The following EEF2K variants were observed in gnomAD, a reference collection of about 807,000 sequenced individuals.
EEF2K encodes the protein eukaryotic elongation factor 2 kinase.
EEF2K carries 70 observed loss-of-function variants against 93.8 expected under a neutral mutation model. The ratio of observed to expected loss-of-function variants is 0.75; its 90% CI spans 0.62 to 0.91. EEF2K has a LOEUF of 0.91. Ranked by LOEUF, EEF2K falls within the 40% of genes least tolerant of loss-of-function variation. The pLI, the probability that EEF2K is intolerant of heterozygous loss-of-function variation, is 0.00. For missense variants in EEF2K, 935 were observed against 972.9 expected (o/e 0.96, Z 0.52); for synonymous variants, 376 against 380.8 (o/e 0.99, Z 0.15).
intron 3 of EEF2K, among the ~76,000 whole-genome samples, chr16:22,244,989 A>C (rs952602179): frequency 2.6e-5 from 4 of 152,080 alleles, no homozygotes; most frequent in Non-Finnish European, 5.9e-5. Flanking sequence ...TGGCCGGGTG[A>C]GGTGGCTCTC....
At chr16:22,211,079 C>T (rs761394806) in intron 1 of EEF2K, among the ~76,000 whole-genome samples, 1 of 152,178 alleles carries the variant, frequency 6.6e-6, no homozygotes, top group Non-Finnish European at 1.5e-5. Context: ...GGGAAATGTC[C>T]GTGGCCAGGC....
Position 22,266,533 on chromosome 16 carries a change from G to A in EEF2K, c.1575+9G>A, listed in dbSNP as rs781065253. On this transcript the variant is annotated intron_variant, in intron 14 of 17. Transcript: ENST00000263026. ...AGTCCATTTTGGGGAAGGTATCGGC[G>A]ATGCCCATTTTGGAGCCCTGTCTGC... 1.1e-5 allele frequency: 18 copies of A among 1,613,784 alleles called. No homozygotes were observed. The highest frequency in any genetic ancestry group is 5.3e-5 in the African/African-American group (4 of 74,932).
chr16:22,281,068 G>A (rs993813161), intron 17 of EEF2K, among the ~76,000 whole-genome samples: 1 of 151,890 alleles, frequency 6.6e-6, no homozygotes, highest in African/African-American at 2.4e-5. Flanking sequence ...CTGCATAGCT[G>A]GGACTACAGG....
chr16:22,244,269 T>TTG (rs200282636), intron 2 of EEF2K, among the ~76,000 whole-genome samples: 22,287 of 139,970 alleles, frequency 0.16, 1,670 homozygotes, highest in South Asian at 0.27. Context: ...TATATATGTA[T>TTG]TGTGTGTGTG....
At chr16:22,275,081 G>C (rs1311083159) in intron 16 of EEF2K, among the ~76,000 whole-genome samples, 1 of 152,180 alleles carries the variant, frequency 6.6e-6, no homozygotes, top group Non-Finnish European at 1.5e-5. Context: ...TGACATGATT[G>C]TATTAGGTCA....
chr16:22,244,775 G>C, intron 3 of EEF2K, 45 bp downstream of exon 3: 3 of 1,596,944 alleles, frequency 1.9e-6, no homozygotes, highest in Non-Finnish European at 1.7e-6. Context: ...GGGGCTATAC[G>C]TCCAGCTTCT....
chr16:22,283,764 C>T (rs997482585), intron 17 of EEF2K, 123 bp from the exon 18 acceptor site: 15 of 894,998 alleles, frequency 1.7e-5, no homozygotes, highest in Admixed American at 2.2e-5. Flanking sequence ...AGAGGGCACA[C>T]GGAGTAGTTT....
intron 1 of EEF2K, among the ~76,000 whole-genome samples, chr16:22,215,679 CTT>C (rs963219383): frequency 5.3e-5 from 8 of 152,144 alleles, no homozygotes; most frequent in African/African-American, 1.9e-4. Context: ...AATCCCATCT[CTT>C]TGGGAGGCTG....
intron 1 of EEF2K, among the ~76,000 whole-genome samples, chr16:22,217,048 C>T (rs142890964): frequency 1.8e-3 from 270 of 150,936 alleles, no homozygotes; most frequent in African/African-American, 5.7e-3. Flanking sequence ...GTGGTCCCAG[C>T]TACTCCGGCG....
chr16:22,215,168 A>C (rs1484399765), intron 1 of EEF2K, among the ~76,000 whole-genome samples: 1 of 152,164 alleles, frequency 6.6e-6, no homozygotes, highest in African/African-American at 2.4e-5. Context: ...ATCAGAGGTA[A>C]CTTCAGTTTT....
chr16:22,240,563 A>G (rs2047211983), intron 2 of EEF2K, among the ~76,000 whole-genome samples: 1 of 152,082 alleles, frequency 6.6e-6, no homozygotes, highest in African/African-American at 2.4e-5. Context: ...GTTGGAGGGA[A>G]CCCAAACATT....
chr16:22,221,595 C>T (rs762965848), intron 1 of EEF2K, among the ~76,000 whole-genome samples: 39 of 152,130 alleles, frequency 2.6e-4, no homozygotes, highest in Non-Finnish European at 4.7e-4. Context: ...TTTCCTGCTT[C>T]GGTAGCCAGA....
chr16:22,226,187 C>T (rs2047061818), intron 2 of EEF2K, among the ~76,000 whole-genome samples: 1 of 152,090 alleles, frequency 6.6e-6, no homozygotes, highest in Non-Finnish European at 1.5e-5. Context: ...CAAATAGTAG[C>T]CCAGGACACA....
rs528789852 is a variant in EEF2K at position 22,223,777 on chromosome 16, T to G, written c.-76-1877T>G. ...GATTATTTTTGTGTGTTTGTGGGTA[T>G]GGGACCGTCCCCTTTCTAACAGTCA... On this transcript the variant is annotated intron_variant, in intron 1 of 17. Coordinates refer to ENST00000263026, the MANE Select transcript of EEF2K (RefSeq NM_013302.5). Among the ~76,000 whole-genome samples, 35 of 152,344 alleles carry G rather than the reference T, an allele frequency of 2.3e-4. 1 individual carries two copies. Among genetic ancestry groups the G allele is most frequent in the Non-Finnish European group, 4.6e-4 (31 of 68,032 alleles).
chr16:22,215,098 G>C (rs1598160122), intron 1 of EEF2K, among the ~76,000 whole-genome samples: 1 of 152,178 alleles, frequency 6.6e-6, no homozygotes, highest in East Asian at 1.9e-4. Flanking sequence ...TACAAATGAA[G>C]ACTCCTATAC....
chr16:22,260,410 T>G, intron 10 of EEF2K, 52 bp from the exon 11 acceptor site: 2 of 1,609,782 alleles, frequency 1.2e-6, no homozygotes, highest in Non-Finnish European at 1.7e-6. Context: ...GTTGGTCTTA[T>G]GCATGTTCCA....
At chr16:22,229,870 A>G (rs1387619336) in intron 2 of EEF2K, among the ~76,000 whole-genome samples, 1 of 152,110 alleles carries the variant, frequency 6.6e-6, no homozygotes, top group East Asian at 1.9e-4. Context: ...ATTTGAAATT[A>G]AAAATAATCT....
chr16:22,241,770 A>G (rs1184336639), intron 2 of EEF2K, among the ~76,000 whole-genome samples: 1 of 152,018 alleles, frequency 6.6e-6, no homozygotes, highest in Non-Finnish European at 1.5e-5. Context: ...AATTAAGTCT[A>G]AATTAGCTAC....
chr16:22,257,441 C>CT lies in EEF2K; in HGVS notation c.901+57dup, dbSNP rs1598192560. On this transcript the variant is annotated intron_variant, in intron 8 of 17. Transcript: ENST00000263026. ...GAAACCACGCTCCCTGCTAAAACCT[C>CT]TGAGTTCTTCGTACAGCCAAGGAAA... The CT allele has an allele frequency of 1.0e-5, 16 of 1,596,558 alleles. No individual in the cohort carries two copies. In the East Asian group the frequency reaches 3.1e-4, roughly 31 times the overall value.
Sources: gnomAD v4.1 joint callset for allele counts (sites outside exome capture counted in the v4.1 genomes callset) on GRCh38, gnomAD v4.1.1 for gene constraint, MANE v1.5 for transcripts, NCBI Gene and HGNC (gene_info 2026-07-23, HGNC 2026-07-21) for gene names.